The following RAB38 variants were observed in gnomAD, a reference collection of about 807,000 sequenced individuals.
RAB38 encodes RAB38, member RAS oncogene family.
RAB38 carries 15 observed loss-of-function variants against 18.4 expected under a neutral mutation model. That is an observed-to-expected ratio of 0.82 (90% CI 0.55 to 1.26). RAB38 has a LOEUF of 1.26. Among genes scored for constraint, RAB38 ranks in the 50% most tolerant of loss-of-function variants. The pLI is 0.00. For missense variants in RAB38, 294 were observed against 267.4 expected (o/e 1.10, Z -0.69); for synonymous variants, 101 against 104.4 (o/e 0.97, Z 0.20).
At chr11:88,092,741 T>A in the RAB38 span, among the ~76,000 whole-genome samples, 1 of 151,704 alleles carries the variant, frequency 6.6e-6, no homozygotes, top group Admixed American at 6.6e-5. Flanking sequence ...TCACTTTAGA[T>A]ATGGTAAATT....
At chr11:88,126,564 G>A (rs1029709316) in intron 2 of RAB38, among the ~76,000 whole-genome samples, 3 of 152,120 alleles carry the variant, frequency 2.0e-5, no homozygotes, top group South Asian at 4.1e-4. Context: ...GGTGGAGGGA[G>A]GGGGAAGGGA....
the RAB38 span, among the ~76,000 whole-genome samples, chr11:87,925,223 T>C: frequency 6.6e-6 from 1 of 152,104 alleles, no homozygotes; most frequent in Non-Finnish European, 1.5e-5. Context: ...GCTTAGAACC[T>C]CTTACTTGGT....
chr11:87,926,608 G>A, the RAB38 span, among the ~76,000 whole-genome samples: 2 of 151,984 alleles, frequency 1.3e-5, no homozygotes, highest in African/African-American at 4.8e-5. Context: ...CCCCAAGAGA[G>A]TTGCTATGTC....
At chr11:88,036,649 G>A in the RAB38 span, among the ~76,000 whole-genome samples, 1 of 151,912 alleles carries the variant, frequency 6.6e-6, no homozygotes, top group African/African-American at 2.4e-5. Flanking sequence ...ATATAAATAT[G>A]TTATCAATCA....
the RAB38 span, among the ~76,000 whole-genome samples, chr11:88,035,627 A>G: frequency 1.3e-5 from 2 of 152,196 alleles, no homozygotes; most frequent in Non-Finnish European, 2.9e-5. Flanking sequence ...CCAGAAATCT[A>G]AACCAGTCTA....
At chr11:88,085,938 C>A in the RAB38 span, among the ~76,000 whole-genome samples, 1 of 151,896 alleles carries the variant, frequency 6.6e-6, no homozygotes, top group Non-Finnish European at 1.5e-5. Flanking sequence ...ACAAAATCTA[C>A]AGAAGAGAAA....
At chr11:88,048,469 C>A in the RAB38 span, among the ~76,000 whole-genome samples, 1 of 152,164 alleles carries the variant, frequency 6.6e-6, no homozygotes, top group African/African-American at 2.4e-5. Context: ...TAAAGACACA[C>A]CTCACCAAGC....
the RAB38 span, among the ~76,000 whole-genome samples, chr11:87,844,429 A>ATGAC: frequency 6.6e-6 from 1 of 152,192 alleles, no homozygotes; most frequent in East Asian, 1.9e-4. Context: ...CAAGAACTTT[A>ATGAC]TGACAGAGGA....
At chr11:88,033,970 G>T in the RAB38 span, among the ~76,000 whole-genome samples, 1 of 151,974 alleles carries the variant, frequency 6.6e-6, no homozygotes, top group Non-Finnish European at 1.5e-5. Context: ...CTCGTGATCT[G>T]CCCACCTCGG....
At chr11:87,942,037 C>A in the RAB38 span, among the ~76,000 whole-genome samples, 1 of 152,198 alleles carries the variant, frequency 6.6e-6, no homozygotes, top group Non-Finnish European at 1.5e-5. Flanking sequence ...GTAACTTTCT[C>A]ACAAGAAAAT....
chr11:88,027,728 A>G, the RAB38 span, among the ~76,000 whole-genome samples: 3 of 152,354 alleles, frequency 2.0e-5, no homozygotes, highest in African/African-American at 7.2e-5. Flanking sequence ...GGAAGCTCCA[A>G]CTGGGTGGAG....
At chr11:87,869,443 C>A in the RAB38 span, among the ~76,000 whole-genome samples, 219 of 151,780 alleles carry the variant, frequency 1.4e-3, no homozygotes, top group African/African-American at 4.7e-3. Context: ...CCCCAAATTA[C>A]TGCTCTGCTT....
chr11:87,942,058 C>T, the RAB38 span, among the ~76,000 whole-genome samples: 1 of 152,184 alleles, frequency 6.6e-6, no homozygotes, highest in Non-Finnish European at 1.5e-5. Context: ...GGTGCCCAAC[C>T]TGACTGTTGA....
chr11:88,025,960 T>C, the RAB38 span, among the ~76,000 whole-genome samples: 2 of 152,052 alleles, frequency 1.3e-5, no homozygotes, highest in Admixed American at 6.6e-5. Flanking sequence ...ATCTACAGAA[T>C]GGTGTTTCCT....
At chr11:87,866,716 T>G in the RAB38 span, among the ~76,000 whole-genome samples, 23 of 151,696 alleles carry the variant, frequency 1.5e-4, no homozygotes, top group African/African-American at 4.1e-4. Flanking sequence ...TAATAGGTAG[T>G]TAGTTATGGA....
intron 1 of RAB38, among the ~76,000 whole-genome samples, chr11:88,150,360 T>C (rs1943049611): frequency 6.6e-6 from 1 of 152,236 alleles, no homozygotes; most frequent in African/African-American, 2.4e-5. Context: ...TATTAGACTA[T>C]GCCAATAATG....
the RAB38 span, among the ~76,000 whole-genome samples, chr11:87,909,876 T>C: frequency 6.6e-6 from 1 of 152,110 alleles, no homozygotes; most frequent in Non-Finnish European, 1.5e-5. Context: ...TGAACATTCA[T>C]TTACAAATCT....
chr11:88,138,595 G>T (rs897004717), intron 2 of RAB38, among the ~76,000 whole-genome samples: 9 of 152,070 alleles, frequency 5.9e-5, no homozygotes, highest in Non-Finnish European at 7.4e-5. Flanking sequence ...TCTGCCACCT[G>T]CTAACCATAG....
chr11:88,092,356 GAGAGAGAGA>G, the RAB38 span, among the ~76,000 whole-genome samples: 26 of 10,644 alleles, frequency 2.4e-3, 8 homozygotes, highest in South Asian at 0.016. Flanking sequence ...GGGAGGGAGA[GAGAGAGAGA>G]GAGAGAGAGA....
Sources: gnomAD v4.1 joint callset for allele counts (sites outside exome capture counted in the v4.1 genomes callset) on GRCh38, gnomAD v4.1.1 for gene constraint, MANE v1.5 for transcripts, NCBI Gene and HGNC (gene_info 2026-07-23, HGNC 2026-07-21) for gene names.